The following ASCC3 variants were observed in gnomAD, a reference collection of about 807,000 sequenced individuals.
ASCC3 encodes the protein ASC-1 complex subunit P200.
In ASCC3, 158 loss-of-function variants were observed where a neutral mutation model predicts 256.3. The observed-to-expected ratio is 0.62, with a 90% CI of 0.54 to 0.70. The LOEUF (loss-of-function observed/expected upper bound fraction) is 0.70, where lower values mean the gene tolerates loss of function less well. Among genes scored for constraint, ASCC3 ranks in the 30% least tolerant of loss-of-function variants. The probability of loss-of-function intolerance (pLI) is 0.00; values close to 1 mark genes in which losing one functional copy is unlikely to be tolerated. For missense variants in ASCC3, 2,259 were observed against 2,626.0 expected (o/e 0.86, Z 3.05); for synonymous variants, 948 against 883.4 (o/e 1.07, Z -1.30).
At chr6:100,836,694 T>A (rs1445831386) in intron 4 of ASCC3, among the ~76,000 whole-genome samples, 4 of 152,276 alleles carry the variant, frequency 2.6e-5, no homozygotes, top group South Asian at 4.1e-4. Context: ...AATACTGGCC[T>A]ATAGTTTTCT....
At chr6:100,806,012 G>A in intron 4 of ASCC3, 132 bp from the exon 5 acceptor site, 1 of 841,068 alleles carries the variant, frequency 1.2e-6, no homozygotes, top group Non-Finnish European at 1.8e-6. Flanking sequence ...TAATAAAAAT[G>A]GTACCTTAAA....
intron 1 of ASCC3, among the ~76,000 whole-genome samples, chr6:100,871,341 G>A (rs568230705): frequency 5.3e-5 from 8 of 152,242 alleles, no homozygotes; most frequent in East Asian, 3.9e-4. Flanking sequence ...TGATCCGCCC[G>A]CCTCGGCCTC....
chr6:100,637,236 T>G (rs1448689808), intron 25 of ASCC3, among the ~76,000 whole-genome samples: 1 of 152,146 alleles, frequency 6.6e-6, no homozygotes, highest in East Asian at 1.9e-4. Flanking sequence ...TCCTTAAGAA[T>G]TATGCTAAAT....
At chr6:100,562,369 C>T (rs1177846984) in intron 36 of ASCC3, among the ~76,000 whole-genome samples, 2 of 151,954 alleles carry the variant, frequency 1.3e-5, no homozygotes, top group African/African-American at 4.8e-5. Context: ...ATATTTTAAA[C>T]CAGCATAAAA....
chr6:100,858,995 T>A, intron 3 of ASCC3: 1 of 694,306 alleles, frequency 1.4e-6, no homozygotes, highest in Non-Finnish European at 2.7e-6. Flanking sequence ...ATTAAAGCCA[T>A]CATAGCATAT....
rs935592610 is a variant in ASCC3 at position 100,774,460 on chromosome 6, G to A, written c.1396-7115C>T. On this transcript the variant is annotated intron_variant, in intron 8 of 41. Transcript: ENST00000369162. ...GGCTCACGGCAACCTCCGCCTCCCA[G>A]GTTCAAGCAATTCTCCTGCCTCAGT... Among the ~76,000 whole-genome samples the A allele has an allele frequency of 2.0e-5, 3 of 152,018 alleles. No individual in the cohort carries two copies. In the South Asian group the frequency reaches 6.2e-4, roughly 32 times the overall value.
intron 8 of ASCC3, among the ~76,000 whole-genome samples, chr6:100,791,707 T>A (rs1193403464): frequency 6.6e-6 from 1 of 151,984 alleles, no homozygotes; most frequent in Non-Finnish European, 1.5e-5. Flanking sequence ...TTTCATTTTG[T>A]TTTTTCTAAT....
intron 24 of ASCC3, among the ~76,000 whole-genome samples, chr6:100,642,161 T>TAA (rs558336661): frequency 4.1e-4 from 58 of 140,540 alleles, no homozygotes; most frequent in African/African-American, 9.6e-4. Context: ...GTTAAAGTAT[T>TAA]AAAAAAAAAA....
intron 5 of ASCC3, among the ~76,000 whole-genome samples, chr6:100,804,702 T>A (rs1327016044): frequency 2.0e-5 from 3 of 152,234 alleles, no homozygotes; most frequent in South Asian, 2.1e-4. Context: ...CACAATGAGA[T>A]ACCACTTCAC....
intron 13 of ASCC3, among the ~76,000 whole-genome samples, chr6:100,696,492 A>T (rs117756093): frequency 0.015 from 2,338 of 152,132 alleles, 24 homozygotes; most frequent in East Asian, 0.045. Context: ...TAACTTATTA[A>T]CTATATTTAC....
At chr6:100,702,844 T>C (rs1228840208) in intron 13 of ASCC3, among the ~76,000 whole-genome samples, 1 of 152,096 alleles carries the variant, frequency 6.6e-6, no homozygotes, top group Non-Finnish European at 1.5e-5. Flanking sequence ...AAAACAACCT[T>C]TTATTGAGGG....
intron 36 of ASCC3, among the ~76,000 whole-genome samples, chr6:100,580,390 T>G (rs1242642566): frequency 2.0e-5 from 3 of 152,048 alleles, no homozygotes; most frequent in Admixed American, 6.6e-5. Context: ...AGATCATCAC[T>G]TGAAACTATG....
intron 13 of ASCC3, among the ~76,000 whole-genome samples, chr6:100,704,315 G>C (rs1225795123): frequency 2.0e-5 from 3 of 151,928 alleles, no homozygotes; most frequent in African/African-American, 7.2e-5. Context: ...CATCTCAGTT[G>C]AAAGTGGGAA....
intron 14 of ASCC3, among the ~76,000 whole-genome samples, chr6:100,669,747 C>G (rs117820597): frequency 0.015 from 2,334 of 151,700 alleles, 24 homozygotes; most frequent in East Asian, 0.045. Context: ...ATCAATGACA[C>G]AGAAGAGAAA....
chr6:100,532,932 T>A (rs1257708088), intron 37 of ASCC3, among the ~76,000 whole-genome samples: 1 of 152,152 alleles, frequency 6.6e-6, no homozygotes, highest in Non-Finnish European at 1.5e-5. Context: ...TTTTTGTAAA[T>A]ATAAAGGAGA....
chr6:100,868,148 A>C, intron 1 of ASCC3, 110 bp from the exon 2 acceptor site: 1 of 658,590 alleles, frequency 1.5e-6, no homozygotes, highest in Admixed American at 2.7e-5. Context: ...GTTAAAAAGC[A>C]ATTGTTATCA....
chr6:100,573,621 A>T (rs1213218542), intron 36 of ASCC3, among the ~76,000 whole-genome samples: 3 of 152,088 alleles, frequency 2.0e-5, no homozygotes, highest in African/African-American at 7.2e-5. Flanking sequence ...ATTTCCAGTA[A>T]GATAATATGC....
Position 100,554,812 on chromosome 6 carries a change from C to T in ASCC3, c.5551-14425G>A, listed in dbSNP as rs148750043. On this transcript the variant is annotated intron_variant, in intron 36 of 41. Coordinates refer to ENST00000369162, the MANE Select transcript of ASCC3 (RefSeq NM_006828.4). ...ACCACACTAGGTCCAGATATATCAA[C>T]GGATAAAAAAAATGCCTTATATTTT... is the stretch of plus-strand genomic sequence containing the variant. Among the ~76,000 whole-genome samples the T allele has an allele frequency of 3.3e-3, 497 of 151,776 alleles. 7 individuals carry two copies. The highest frequency in any genetic ancestry group is 0.011 in the African/African-American group (451 of 41,426).
chr6:100,812,039 C>CT (rs1770495523), intron 4 of ASCC3, among the ~76,000 whole-genome samples: 1 of 152,114 alleles, frequency 6.6e-6, no homozygotes, highest in African/African-American at 2.4e-5. Context: ...ACCAGGGTAA[C>CT]TGTGGACATA....
Sources: allele counts gnomAD v4.1 joint callset (sites outside exome capture counted in the v4.1 genomes callset), GRCh38; gene constraint gnomAD v4.1.1; transcripts MANE v1.5; gene names NCBI Gene and HGNC (gene_info 2026-07-23, HGNC 2026-07-21).